The following UNC13C variants were observed in gnomAD, a reference collection of about 807,000 sequenced individuals.
The protein encoded by UNC13C is unc-13 homolog C.
In UNC13C, 174 loss-of-function variants were observed where a neutral mutation model predicts 245.4. That is an observed-to-expected ratio of 0.71 (90% CI 0.63 to 0.80). The LOEUF is 0.80. UNC13C is among the 30% of genes least tolerant of loss of function. UNC13C has a pLI of 0.00. For synonymous variants in UNC13C, 992 were observed against 895.1 expected (o/e 1.11, Z -1.93); for missense variants, 2,829 against 2,602.9 (o/e 1.09, Z -1.89).
At chr15:54,108,523 C>T (rs535043462) in intron 2 of UNC13C, among the ~76,000 whole-genome samples, 7 of 152,078 alleles carry the variant, frequency 4.6e-5, no homozygotes, top group East Asian at 1.9e-4. Context: ...CTCAATAAAA[C>T]GTGTAGGCCA....
At chr15:54,563,989 C>T (rs1220924660) in intron 29 of UNC13C, among the ~76,000 whole-genome samples, 2 of 151,988 alleles carry the variant, frequency 1.3e-5, no homozygotes, top group African/African-American at 4.8e-5. Flanking sequence ...AGGTTTTGAA[C>T]ACTGTGTGAA....
At chr15:54,569,413 T>C (rs1897654600) in intron 30 of UNC13C, among the ~76,000 whole-genome samples, 1 of 152,116 alleles carries the variant, frequency 6.6e-6, no homozygotes, top group Non-Finnish European at 1.5e-5. Flanking sequence ...AAAATGTAAA[T>C]GATTGTTATA....
chr15:54,466,970 A>G (rs1309229766), intron 19 of UNC13C, among the ~76,000 whole-genome samples: 1 of 151,838 alleles, frequency 6.6e-6, no homozygotes, highest in Non-Finnish European at 1.5e-5. Flanking sequence ...TTCCAGAGCT[A>G]CTGTATTGAC....
At chr15:54,179,678 G>A (rs2033733120) in intron 4 of UNC13C, among the ~76,000 whole-genome samples, 1 of 151,966 alleles carries the variant, frequency 6.6e-6, no homozygotes, top group South Asian at 2.1e-4. Context: ...GTGCCAAAAT[G>A]GAGAGCAAAG....
At chr15:54,583,005 A>T (rs930288963) in intron 30 of UNC13C, among the ~76,000 whole-genome samples, 1 of 152,062 alleles carries the variant, frequency 6.6e-6, no homozygotes, top group Non-Finnish European at 1.5e-5. Flanking sequence ...TTGACCACAG[A>T]TTGCTCGGTT....
At chr15:54,548,607 T>G (rs560384749) in intron 27 of UNC13C, among the ~76,000 whole-genome samples, 1 of 152,308 alleles carries the variant, frequency 6.6e-6, no homozygotes, top group African/African-American at 2.4e-5. Flanking sequence ...TGGACTGTTC[T>G]GCCCATTGCT....
chr15:53,871,789 T>C, the UNC13C span, among the ~76,000 whole-genome samples: 1 of 152,170 alleles, frequency 6.6e-6, no homozygotes, highest in Non-Finnish European at 1.5e-5. Flanking sequence ...TTGAAGCAAG[T>C]ACTTAAGATA....
rs1164016477 is a variant in UNC13C at position 54,526,740 on chromosome 15, G to GAAAA, written c.5546+1124_5546+1127dup. Among the ~76,000 whole-genome samples the GAAAA allele has an allele frequency of 6.2e-3, 392 of 63,064 alleles. 13 individuals are homozygous for GAAAA. Among genetic ancestry groups the GAAAA allele is most frequent in the African/African-American group, 0.022 (361 of 16,434 alleles). 41.4% of individuals were successfully genotyped at this position (63,064 alleles called of 152,430 possible). A position where few individuals can be genotyped will look rare whatever the true frequency, so the allele number is the denominator to read the frequency against. On this transcript the variant is annotated intron_variant, in intron 25 of 32. Coordinates refer to ENST00000260323, the MANE Select transcript of UNC13C (RefSeq NM_001080534.3). ...GCCTGGGCAACAGAGACTCCGTCTA[G>GAAAA]AAAAAAAAAAAAAAAAAAAAAAAAG...
chr15:54,166,807 A>C (rs758969988), intron 4 of UNC13C, among the ~76,000 whole-genome samples: 1 of 152,206 alleles, frequency 6.6e-6, no homozygotes, highest in African/African-American at 2.4e-5. Context: ...CAGCCTAAAA[A>C]ACAGAAACAT....
chr15:54,052,384 T>C (rs1415082204), intron 2 of UNC13C, among the ~76,000 whole-genome samples: 1 of 148,628 alleles, frequency 6.7e-6, no homozygotes, highest in South Asian at 2.2e-4. Context: ...ACCAACAGTG[T>C]AAAAGTGTTC....
intron 2 of UNC13C, among the ~76,000 whole-genome samples, chr15:54,027,915 C>A (rs1023579578): frequency 3.9e-5 from 6 of 152,038 alleles, no homozygotes; most frequent in African/African-American, 1.2e-4. Context: ...AATAGAAGCG[C>A]CTTCTTCCCA....
At chr15:54,226,793 G>A (rs576654830) in intron 4 of UNC13C, among the ~76,000 whole-genome samples, 59 of 152,270 alleles carry the variant, frequency 3.9e-4, no homozygotes, top group Middle Eastern at 6.8e-3. Flanking sequence ...TGTGGCTTGC[G>A]CTGTAGGCAC....
chr15:54,237,666 G>C lies in UNC13C; in HGVS notation c.3204G>C (p.Arg1068Ser), dbSNP rs772161689. The C allele has an allele frequency of 2.2e-5, 35 of 1,611,808 alleles. No individual in the cohort carries two copies. The Admixed American group carries it at 2.2e-4, about 10-fold the overall frequency. ...GACTCTCCCTGGCTATGGTGATTAG[G>C]ACATCCCTAAATAATGAGGAACTGG... ...KSGLSLAMVI[R>S]TSLNNEELKM... is the part of the protein sequence containing the mutation. Residue 1068 changes from arginine to serine, a missense_variant, in exon 7 of 33, where the codon AGG becomes AGC. Coordinates refer to ENST00000260323, the MANE Select transcript of UNC13C (RefSeq NM_001080534.3).
intron 4 of UNC13C, among the ~76,000 whole-genome samples, chr15:54,197,871 C>T (rs561378812): frequency 3.8e-4 from 58 of 152,188 alleles, no homozygotes; most frequent in Middle Eastern, 3.4e-3. Flanking sequence ...CCCTGAGACA[C>T]CAAAAATCTG....
chr15:54,346,235 AT>A (rs1433146893), intron 17 of UNC13C, among the ~76,000 whole-genome samples: 1 of 150,726 alleles, frequency 6.6e-6, no homozygotes, highest in Admixed American at 6.7e-5. Flanking sequence ...TAAAAATAAC[AT>A]TTAAAGAAAA....
intron 2 of UNC13C, among the ~76,000 whole-genome samples, chr15:54,092,743 G>A (rs867542629): frequency 6.6e-6 from 1 of 152,236 alleles, no homozygotes; most frequent in African/African-American, 2.4e-5. Flanking sequence ...TACTATAAAT[G>A]GAGATATATG....
At chr15:53,885,947 C>G in the UNC13C span, among the ~76,000 whole-genome samples, 3 of 152,136 alleles carry the variant, frequency 2.0e-5, no homozygotes, top group African/African-American at 7.2e-5. Flanking sequence ...TACCTGTGTA[C>G]TGGAATTGAT....
chr15:54,339,640 GAT>G lies in UNC13C; in HGVS notation c.4713+1174_4713+1175del, dbSNP rs61353129. ...GAATAGTAGTATTCCATTATGTGGA[GAT>G]ATATATATATATATATATATATCAC... On this transcript the variant is annotated intron_variant, in intron 17 of 32. Coordinates refer to ENST00000260323, the MANE Select transcript of UNC13C (RefSeq NM_001080534.3). Among the ~76,000 whole-genome samples the G allele has an allele frequency of 3.0e-3, 446 of 149,588 alleles. 1 individual carries two copies. The highest frequency in any genetic ancestry group is 7.6e-3 in the African/African-American group (303 of 40,000).
At chr15:53,854,671 A>G in the UNC13C span, among the ~76,000 whole-genome samples, 1 of 152,172 alleles carries the variant, frequency 6.6e-6, no homozygotes, top group Non-Finnish European at 1.5e-5. Flanking sequence ...TTTTTGTACC[A>G]GTACCATGCT....
Sources: allele counts gnomAD v4.1 joint callset (sites outside exome capture counted in the v4.1 genomes callset), GRCh38; gene constraint gnomAD v4.1.1; transcripts MANE v1.5; gene names NCBI Gene and HGNC (gene_info 2026-07-23, HGNC 2026-07-21).